CLK4: variants seen among roughly 807,000 people sequenced by gnomAD.
CLK4 encodes dual specificity protein kinase CLK4.
A neutral mutation model predicts 64.4 loss-of-function variants in CLK4; 37 were observed. The observed-to-expected ratio is 0.57, with a 90% CI of 0.44 to 0.76. CLK4 has a LOEUF of 0.76. Among genes scored for constraint, CLK4 ranks in the 30% least tolerant of loss-of-function variants. The pLI is 0.00. For missense variants in CLK4, 457 were observed against 605.1 expected (o/e 0.76, Z 2.57); for synonymous variants, 175 against 191.6 (o/e 0.91, Z 0.72).
chr5:178,606,814 GT>G (rs1764473621), intron 10 of CLK4, among the ~76,000 whole-genome samples: 1 of 152,022 alleles, frequency 6.6e-6, no homozygotes, highest in African/African-American at 2.4e-5. Context: ...CAAAAAATTA[GT>G]GGGGTGTAGT....
chr5:178,611,322 G>A (rs1204190046), intron 9 of CLK4, among the ~76,000 whole-genome samples: 13 of 152,070 alleles, frequency 8.5e-5, no homozygotes, highest in Admixed American at 6.6e-4. Context: ...TTTGTACTAC[G>A]CAGAAACCCT....
chr5:178,609,864 G>T (rs1271332471), intron 9 of CLK4, among the ~76,000 whole-genome samples: 1 of 151,084 alleles, frequency 6.6e-6, no homozygotes, highest in Non-Finnish European at 1.5e-5. Flanking sequence ...AGCTGAGATT[G>T]CACCACTGCA....
Position 178,608,365 on chromosome 5 carries a change from T to A in CLK4, c.1134+11A>T. ...TTATGAATTATTAAATGGAATTTAC[T>A]AGCCACGTACCTGAAAGACTGTGAA... On this transcript the variant is annotated intron_variant, in intron 10 of 12. Transcript: ENST00000316308. 1.3e-6 allele frequency: 2 copies of A among 1,550,196 alleles called. No homozygotes were observed. Among genetic ancestry groups the A allele is most frequent in the Non-Finnish European group, 1.8e-6 (2 of 1,141,758 alleles).
chr5:178,615,749 T>C (rs988085638), intron 5 of CLK4, among the ~76,000 whole-genome samples: 32 of 152,232 alleles, frequency 2.1e-4, no homozygotes, highest in African/African-American at 7.0e-4. Context: ...TTTGTCATTT[T>C]AGAAATGTGA....
At chr5:178,623,483 T>C (rs1764737764) in intron 1 of CLK4, 67 bp from the exon 2 acceptor site, 7 of 1,256,634 alleles carry the variant, frequency 5.6e-6, no homozygotes, top group Non-Finnish European at 7.3e-6. Flanking sequence ...TATTATATAT[T>C]AATATTATTT....
chr5:178,608,713 C>T (rs1212279707), intron 9 of CLK4, among the ~76,000 whole-genome samples: 2 of 152,160 alleles, frequency 1.3e-5, no homozygotes, highest in Non-Finnish European at 2.9e-5. Context: ...CTACCATTTT[C>T]CAAGTATACA....
At chr5:178,622,946 G>C (rs1419418211) in intron 2 of CLK4, 1 of 281,134 alleles carries the variant, frequency 3.6e-6, no homozygotes, top group Admixed American at 5.7e-5. Context: ...TTAACTTTTT[G>C]TGTGTCATCT....
rs1401414910 is a variant in CLK4 at position 178,617,121 on chromosome 5, G to A, written c.476-173C>T. On this transcript the variant is annotated intron_variant, in intron 4 of 12. Coordinates refer to ENST00000316308, the MANE Select transcript of CLK4 (RefSeq NM_020666.3). This position sits in a 1 kb window ranked among gnomAD's most constrained non-coding sequence, Gnocchi z 5.2. ...GCTGCTACAAAAACAATTAGATAGA[G>A]CTATCTTTCTTGCTCTAATCTCAAA... is the stretch of plus-strand genomic sequence containing the variant. The A allele has an allele frequency of 3.1e-6, 2 of 643,532 alleles. No individual in the cohort carries two copies. Among genetic ancestry groups the A allele is most frequent in the South Asian group, 2.0e-5 (1 of 49,834 alleles). 39.9% of individuals were successfully genotyped at this position (643,532 alleles called of 1,614,324 possible). A position where few individuals can be genotyped will look rare whatever the true frequency, so the allele number is the denominator to read the frequency against.
intron 3 of CLK4, chr5:178,618,182 T>G (rs1315631697): frequency 1.3e-5 from 2 of 152,610 alleles, no homozygotes; most frequent in African/African-American, 4.8e-5. Context: ...ATTTCACATT[T>G]ATTTTCAAGT....
intron 9 of CLK4, 116 bp from the exon 10 acceptor site, chr5:178,608,574 C>T (rs1049418110): frequency 1.5e-6 from 1 of 648,358 alleles, no homozygotes; most frequent in Non-Finnish European, 2.6e-6. Context: ...GAATAAGACA[C>T]CAAATTCAGG....
In CLK4 at chr5:178,603,436, A is replaced by C. The variant is rs1431798486; in HGVS notation, c.*181T>G. 2.2e-5 allele frequency: 9 copies of C among 408,922 alleles called. No individual in the cohort carries two copies. The highest frequency in any genetic ancestry group is 3.8e-5 in the Non-Finnish European group (9 of 235,964). The allele number at this position is 408,922 out of a possible 1,614,324, so 25.3% of individuals were successfully genotyped here. The stretch of plus-strand genomic sequence containing the variant: ...AAATTAATTTTAATTTTTCTAATGC[A>C]TTATCAAGACCATACTTGCTTAACA... On this transcript the variant is annotated 3_prime_UTR_variant, in exon 13 of 13. Coordinates refer to ENST00000316308, the MANE Select transcript of CLK4 (RefSeq NM_020666.3).
intron 2 of CLK4, among the ~76,000 whole-genome samples, chr5:178,621,504 TC>T (rs1327005852): frequency 6.6e-6 from 1 of 152,134 alleles, no homozygotes; most frequent in Non-Finnish European, 1.5e-5. Context: ...AATAAAAAGC[TC>T]TTCTAAATCA....
At position 178,603,542 on chromosome 5, in the gene CLK4, G is replaced by T; in HGVS notation, c.*75C>A. ...TAATTTAATGTTTACAAAAATATTA[G>T]AATGTTTAGTTGACTGACACAGTCT... On this transcript the variant is annotated 3_prime_UTR_variant, in exon 13 of 13. Transcript: ENST00000316308. 1 of 1,050,098 alleles carries T rather than the reference G, an allele frequency of 9.5e-7. No individual in the cohort carries two copies. Among genetic ancestry groups the T allele is most frequent in the Non-Finnish European group, 1.3e-6 (1 of 757,064 alleles). The allele number at this position is 1,050,098 out of a possible 1,614,324, so 65.0% of individuals were successfully genotyped here.
intron 10 of CLK4, among the ~76,000 whole-genome samples, chr5:178,606,911 C>T (rs879699046): frequency 5.3e-4 from 80 of 150,370 alleles, no homozygotes; most frequent in Non-Finnish European, 1.8e-4. Context: ...AGTGAGCTGA[C>T]GTTGCGCCAC....
chr5:178,607,984 A>T (rs1764492131), intron 10 of CLK4, among the ~76,000 whole-genome samples: 1 of 152,222 alleles, frequency 6.6e-6, no homozygotes, highest in African/African-American at 2.4e-5. Context: ...AGTAAAATAC[A>T]ATCCCTTGTT....
rs1764792955 is a variant in CLK4 at position 178,627,037 on chromosome 5, G to C, written c.-92C>G. 3 of 152,762 alleles carry C rather than the reference G, an allele frequency of 2.0e-5. No individual in the cohort carries two copies. The highest frequency in any genetic ancestry group is 1.3e-4 in the Admixed American group (2 of 15,294). 9.5% of individuals were successfully genotyped at this position (152,762 alleles called of 1,614,324 possible). A position where few individuals can be genotyped will look rare whatever the true frequency, so the allele number is the denominator to read the frequency against. On this transcript the variant is annotated 5_prime_UTR_variant, in exon 1 of 13. Coordinates refer to ENST00000316308, the MANE Select transcript of CLK4 (RefSeq NM_020666.3). ...GCTGCGACAAACACCCCACAAAATGGCGGCAGCGCCGTCGCCCTAGAATCC... is the reference window on the plus strand; with the variant it reads ...GCTGCGACAAACACCCCACAAAATGCCGGCAGCGCCGTCGCCCTAGAATCC...
At position 178,605,309 on chromosome 5, in the gene CLK4, T is replaced by G. The variant is rs1764451878; in HGVS notation, c.1208A>C (p.Lys403Thr). The change falls in exon 11 of 13, where the codon AAA (lysine) becomes ACA (threonine). Residue 403 changes from lysine to threonine, a missense_variant. Transcript: ENST00000316308. ...CTTGAATCTTAAAACATACCTTGTTTTCTGAATCATGTGTTGTGGTATGGG... is the reference window on the plus strand; with the variant it reads ...CTTGAATCTTAAAACATACCTTGTTGTCTGAATCATGTGTTGTGGTATGGG... ...LGPIPQHMIQ[K>T]TRKRKYFHHN... The G allele has an allele frequency of 6.4e-7, 1 of 1,573,086 alleles. No individual in the cohort carries two copies. Among genetic ancestry groups the G allele is most frequent in the African/African-American group, 1.4e-5 (1 of 72,178 alleles).
intron 2 of CLK4, chr5:178,619,914 C>T: frequency 1.7e-6 from 1 of 598,558 alleles, no homozygotes; most frequent in Non-Finnish European, 2.8e-6. Flanking sequence ...AGAGAGGGGA[C>T]ACCTGCCCAG....
Position 178,603,940 on chromosome 5 carries a change from G to GAAAA in CLK4, c.1215-10_1215-7dup. The GAAAA allele has an allele frequency of 3.8e-6, 5 of 1,323,838 alleles. No homozygotes were observed. Among genetic ancestry groups the GAAAA allele is most frequent in the East Asian group, 2.5e-5 (1 of 39,436 alleles). The allele number at this position is 1,323,838 out of a possible 1,614,324, so 82.0% of individuals were successfully genotyped here. A position where few individuals can be genotyped will look rare whatever the true frequency, so the allele number is the denominator to read the frequency against. On this transcript the variant is annotated splice_region_variant and splice_polypyrimidine_tract_variant and intron_variant, in intron 11 of 12. Coordinates refer to ENST00000316308, the MANE Select transcript of CLK4 (RefSeq NM_020666.3). Reference sequence around the variant, plus strand: ...GGTGAAAATACTTGCGTTTTCTACAGAAAAAAAAAAAAAGTCTGGATTAGT... The same window carrying GAAAA: ...GGTGAAAATACTTGCGTTTTCTACAGAAAAAAAAAAAAAAAAAGTCTGGATTAGT...
Sources: gnomAD v4.1 joint callset for allele counts (sites outside exome capture counted in the v4.1 genomes callset) on GRCh38, gnomAD v4.1.1 for gene constraint, Gnocchi (gnomAD v3.1) non-coding constraint, MANE v1.5 for transcripts, NCBI Gene and HGNC (gene_info 2026-07-23, HGNC 2026-07-21) for gene names.